The following DYNC1I1 variants were observed in gnomAD, a reference collection of about 807,000 sequenced individuals.
The protein encoded by DYNC1I1 is cytoplasmic dynein 1 intermediate chain 1.
A neutral mutation model predicts 86.6 loss-of-function variants in DYNC1I1; 43 were observed. That is an observed-to-expected ratio of 0.50 (90% CI 0.39 to 0.64). The LOEUF (loss-of-function observed/expected upper bound fraction) is 0.64. Among genes scored for constraint, DYNC1I1 ranks in the 30% least tolerant of loss-of-function variants. DYNC1I1 has a pLI of 0.00. For missense variants in DYNC1I1, 604 were observed against 788.8 expected (o/e 0.77, Z 2.81); for synonymous variants, 262 against 283.7 (o/e 0.92, Z 0.77).
At chr7:95,833,618 C>A (rs1034724979) in intron 5 of DYNC1I1, among the ~76,000 whole-genome samples, 4 of 148,598 alleles carry the variant, frequency 2.7e-5, no homozygotes, top group Non-Finnish European at 5.9e-5. Flanking sequence ...AATGTTCTTC[C>A]ATTTGTTTGT....
At chr7:95,915,162 T>C (rs1791436665) in intron 6 of DYNC1I1, among the ~76,000 whole-genome samples, 1 of 152,248 alleles carries the variant, frequency 6.6e-6, no homozygotes, top group African/African-American at 2.4e-5. Flanking sequence ...CATTTTTGTA[T>C]GGTCACAAAG....
intron 16 of DYNC1I1, among the ~76,000 whole-genome samples, chr7:96,088,589 G>A (rs1790750524): frequency 6.6e-6 from 1 of 152,136 alleles, no homozygotes; most frequent in African/African-American, 2.4e-5. Flanking sequence ...TAGAGCAGTA[G>A]CCTCAAATCA....
intron 13 of DYNC1I1, among the ~76,000 whole-genome samples, chr7:96,038,530 G>A (rs1788939113): frequency 6.6e-6 from 1 of 152,088 alleles, no homozygotes; most frequent in African/African-American, 2.4e-5. Context: ...AAAGGACTGA[G>A]ACATAAGTTT....
Position 96,050,018 on chromosome 7 carries a change from T to C in DYNC1I1, c.1509+10597T>C, listed in dbSNP as rs144865284. Among the ~76,000 whole-genome samples the C allele has an allele frequency of 4.3e-3, 615 of 141,778 alleles. 4 individuals are homozygous for C. Among genetic ancestry groups the C allele is most frequent in the South Asian group, 0.01 (46 of 4,586 alleles). 93.0% of individuals were successfully genotyped at this position (141,778 alleles called of 152,430 possible). ...GACTGGATGACAGAGAGAGACTCCA[T>C]CTCAAAAAAAACAAACAAACAAAAA... On this transcript the variant is annotated intron_variant, in intron 14 of 16. Transcript: ENST00000447467.
At chr7:96,064,250 C>G (rs1313486373) in intron 14 of DYNC1I1, among the ~76,000 whole-genome samples, 1 of 144,464 alleles carries the variant, frequency 6.9e-6, no homozygotes, top group Non-Finnish European at 1.5e-5. Flanking sequence ...CTCTCTCTCC[C>G]TCTCTCAGTG....
At chr7:95,852,372 AT>A (rs1473201510) in intron 5 of DYNC1I1, among the ~76,000 whole-genome samples, 1 of 151,144 alleles carries the variant, frequency 6.6e-6, no homozygotes, top group Non-Finnish European at 1.5e-5. Context: ...TATATTTTTG[AT>A]TTTATTTAAG....
chr7:95,910,275 G>C (rs1290980485), intron 6 of DYNC1I1, among the ~76,000 whole-genome samples: 1 of 152,014 alleles, frequency 6.6e-6, no homozygotes, highest in Non-Finnish European at 1.5e-5. Flanking sequence ...CCTAACTCTA[G>C]CCATTATTAC....
chr7:95,854,812 CA>C (rs1173541181), intron 5 of DYNC1I1, among the ~76,000 whole-genome samples: 2 of 151,518 alleles, frequency 1.3e-5, no homozygotes, highest in East Asian at 1.9e-4. Context: ...TTTACAGACA[CA>C]AAAAAAATAG....
chr7:95,786,670 A>C (rs1447049491), intron 1 of DYNC1I1, among the ~76,000 whole-genome samples: 1 of 152,188 alleles, frequency 6.6e-6, no homozygotes, highest in African/African-American at 2.4e-5. Context: ...TTGGTTGATT[A>C]GTGTGCTTCT....
chr7:95,848,553 A>G (rs906035803), intron 5 of DYNC1I1, among the ~76,000 whole-genome samples: 1 of 152,108 alleles, frequency 6.6e-6, no homozygotes, highest in Non-Finnish European at 1.5e-5. Context: ...TATCGTTGCA[A>G]ATGACAGGAT....
downstream of DYNC1I1, among the ~76,000 whole-genome samples, chr7:96,103,086 C>T (rs918757431): frequency 2.0e-5 from 3 of 152,160 alleles, no homozygotes; most frequent in Admixed American, 6.5e-5. Flanking sequence ...TGTCACCCAA[C>T]AGGATTTTAC....
chr7:95,946,346 A>G lies in DYNC1I1; in HGVS notation c.491-31166A>G, dbSNP rs539124901. On this transcript the variant is annotated intron_variant, in intron 6 of 16. Transcript: ENST00000447467. Reference sequence around the variant, plus strand: ...ATATGGAGAGAATGATATTTAAGACAAAAAGATGTTCTTTCTACCTATTTA... The same window carrying G: ...ATATGGAGAGAATGATATTTAAGACGAAAAGATGTTCTTTCTACCTATTTA... 8.7e-4 allele frequency among the ~76,000 whole-genome samples: 132 copies of G among 152,310 alleles called. No homozygotes were observed. In the Middle Eastern group the frequency reaches 0.02, roughly 24 times the overall value.
chr7:96,109,974 C>T, intron 16 of DYNC1I1: 1 of 330,240 alleles, frequency 3.0e-6, no homozygotes, highest in Non-Finnish European at 6.0e-6. Context: ...TTTTTGTGGA[C>T]ACAGGGTCTT....
At chr7:95,995,820 A>G in intron 9 of DYNC1I1, 128 bp from the exon 10 acceptor site, 1 of 1,307,540 alleles carries the variant, frequency 7.6e-7, no homozygotes, top group Non-Finnish European at 1.0e-6. Context: ...AGCTGATAGT[A>G]GGTATGCCAC....
At chr7:95,849,775 A>G (rs894882583) in intron 5 of DYNC1I1, among the ~76,000 whole-genome samples, 4 of 152,144 alleles carry the variant, frequency 2.6e-5, no homozygotes, top group African/African-American at 9.7e-5. Flanking sequence ...GTATTTTGAT[A>G]GAGATTACAT....
chr7:95,931,790 A>G (rs1791905904), intron 6 of DYNC1I1, among the ~76,000 whole-genome samples: 1 of 152,158 alleles, frequency 6.6e-6, no homozygotes, highest in Admixed American at 6.5e-5. Context: ...TTACAGAAAA[A>G]TTTTGTTGAT....
chr7:95,954,942 A>T (rs1420122532), intron 6 of DYNC1I1, among the ~76,000 whole-genome samples: 1 of 142,158 alleles, frequency 7.0e-6, no homozygotes, highest in South Asian at 2.4e-4. Context: ...AAAAAAAGAT[A>T]TATGGACAAT....
At chr7:96,101,133 G>A (rs1791129471), downstream of DYNC1I1, among the ~76,000 whole-genome samples, 1 of 152,122 alleles carries the variant, frequency 6.6e-6, no homozygotes, top group Admixed American at 6.5e-5. Context: ...AGCCACAACT[G>A]CCATAATGAC....
intron 1 of DYNC1I1, among the ~76,000 whole-genome samples, chr7:95,791,430 T>C (rs1489457848): frequency 3.3e-5 from 5 of 152,244 alleles, no homozygotes; most frequent in Admixed American, 3.3e-4. Flanking sequence ...AAAGATTTGC[T>C]TGTTATCAGT....
Sources: gnomAD v4.1 joint callset for allele counts (sites outside exome capture counted in the v4.1 genomes callset) on GRCh38, gnomAD v4.1.1 for gene constraint, MANE v1.5 for transcripts, NCBI Gene and HGNC (gene_info 2026-07-23, HGNC 2026-07-21) for gene names.